The following SLCO5A1 variants were observed in gnomAD, a reference collection of about 807,000 sequenced individuals.
SLCO5A1 encodes the protein solute carrier organic anion transporter family member 5A1, also known as organic anion transporter polypeptide-related protein 4.
Under a neutral mutation model 65.1 loss-of-function variants are expected in SLCO5A1, and 39 were observed. The ratio of observed to expected loss-of-function variants is 0.60; its 90% confidence interval spans 0.46 to 0.78. SLCO5A1 has a LOEUF of 0.78. Ranked by LOEUF, SLCO5A1 falls within the 30% of genes least tolerant of loss-of-function variation. The probability of loss-of-function intolerance (pLI) is 0.00; values close to 1 mark genes in which losing one functional copy is unlikely to be tolerated. For synonymous variants in SLCO5A1, 438 were observed against 415.7 expected (o/e 1.05, Z -0.65); for missense variants, 1,029 against 1,069.4 (o/e 0.96, Z 0.53).
intron 2 of SLCO5A1, among the ~76,000 whole-genome samples, chr8:69,784,878 A>AG (rs1563722902): frequency 6.8e-5 from 10 of 146,032 alleles, no homozygotes; most frequent in African/African-American, 2.0e-4. Context: ...GGAAGGAGAA[A>AG]GAAAGAAAGA....
intron 4 of SLCO5A1, among the ~76,000 whole-genome samples, chr8:69,748,291 A>G (rs1817130070): frequency 6.6e-6 from 1 of 152,130 alleles, no homozygotes; most frequent in Non-Finnish European, 1.5e-5. Context: ...TTAAATCAGC[A>G]CTCATGAGTA....
At chr8:69,783,585 T>G (rs1818894428) in intron 2 of SLCO5A1, among the ~76,000 whole-genome samples, 1 of 152,066 alleles carries the variant, frequency 6.6e-6, no homozygotes, top group Non-Finnish European at 1.5e-5. Flanking sequence ...GTCAATTTTA[T>G]GGTTAAGTGT....
At chr8:69,694,373 A>G (rs528479826) in intron 6 of SLCO5A1, among the ~76,000 whole-genome samples, 1 of 152,326 alleles carries the variant, frequency 6.6e-6, no homozygotes, top group South Asian at 2.1e-4. Context: ...GTAAGTGCCA[A>G]TCACACTGAA....
At chr8:69,784,895 G>GGAAGGAAGGAGA (rs1818971180) in intron 2 of SLCO5A1, among the ~76,000 whole-genome samples, 9 of 84,988 alleles carry the variant, frequency 1.1e-4, no homozygotes, top group African/African-American at 1.6e-4. Flanking sequence ...AAGAAGAAAG[G>GGAAGGAAGGAGA]AAGAAAGAAA....
chr8:69,784,646 G>A (rs1321017881), intron 2 of SLCO5A1, among the ~76,000 whole-genome samples: 1 of 151,706 alleles, frequency 6.6e-6, no homozygotes, highest in African/African-American at 2.4e-5. Context: ...AAATTAGACA[G>A]GCATGGTGGT....
At chr8:69,831,672 T>C (rs1166935234) in intron 2 of SLCO5A1, 95 bp downstream of exon 2, 1 of 1,325,704 alleles carries the variant, frequency 7.5e-7, no homozygotes, top group African/African-American at 1.5e-5. Flanking sequence ...ATAATATACA[T>C]GAAAATGTGA....
chr8:69,829,468 C>T (rs1049275618), intron 2 of SLCO5A1, among the ~76,000 whole-genome samples: 4 of 152,132 alleles, frequency 2.6e-5, no homozygotes, highest in Non-Finnish European at 4.4e-5. Context: ...TTGATTAGTT[C>T]CTCATTTAAA....
intron 5 of SLCO5A1, among the ~76,000 whole-genome samples, chr8:69,716,783 T>C (rs111348949): frequency 0.016 from 398 of 25,058 alleles, 3 homozygotes; most frequent in African/African-American, 0.066. Context: ...GTGTTTTTCC[T>C]TTTTTTTTTT....
At position 69,678,862 on chromosome 8, in the gene SLCO5A1, A is replaced by C. The variant is rs377036898; in HGVS notation, c.2024+516T>G. On this transcript the variant is annotated intron_variant, in intron 8 of 9. Transcript: ENST00000260126. ...TGCCCTTTTCTTGACTCAACTCTGA[A>C]ATTTTATATGATAGTAAAATTAATG... 5.5e-4 allele frequency among the ~76,000 whole-genome samples: 83 copies of C among 152,160 alleles called. No individual in the cohort carries two copies. In the East Asian group the frequency reaches 9.6e-3, roughly 18 times the overall value.
At chr8:69,808,422 G>T (rs1820096852) in intron 2 of SLCO5A1, among the ~76,000 whole-genome samples, 1 of 152,084 alleles carries the variant, frequency 6.6e-6, no homozygotes, top group East Asian at 1.9e-4. Context: ...TGTGCTAATT[G>T]GTTTTCTAAT....
At chr8:69,706,578 A>G (rs1814978382) in intron 5 of SLCO5A1, among the ~76,000 whole-genome samples, 1 of 152,182 alleles carries the variant, frequency 6.6e-6, no homozygotes, top group African/African-American at 2.4e-5. Context: ...TCACCTTTCC[A>G]TGTGAAGTTA....
rs983049113 is a variant in SLCO5A1 at position 69,667,378 on chromosome 8, C to G, written c.*5491G>C. ...ATTACATTTCCTTAAACAAAAGAGT[C>G]AGAGCCTGACTTGCCTGTTTCAGGA... is the stretch of plus-strand genomic sequence containing the variant. On this transcript the variant is annotated 3_prime_UTR_variant, in exon 10 of 10. Transcript: ENST00000260126. 1.3e-5 allele frequency: 2 copies of G among 152,118 alleles called. No individual in the cohort carries two copies. Among genetic ancestry groups the G allele is most frequent in the African/African-American group, 4.8e-5 (2 of 41,430 alleles). 9.4% of individuals were successfully genotyped at this position (152,118 alleles called of 1,614,324 possible). A position where few individuals can be genotyped will look rare whatever the true frequency, so the allele number is the denominator to read the frequency against.
intron 6 of SLCO5A1, among the ~76,000 whole-genome samples, chr8:69,704,256 G>A (rs1446315964): frequency 6.6e-6 from 1 of 152,176 alleles, no homozygotes; most frequent in Non-Finnish European, 1.5e-5. Context: ...TTGGTTACAT[G>A]TGATCAGTAC....
chr8:69,724,466 G>GA, intron 5 of SLCO5A1, among the ~76,000 whole-genome samples: 2 of 152,212 alleles, frequency 1.3e-5, no homozygotes, highest in South Asian at 4.1e-4. Context: ...ACGATGACTT[G>GA]AAAAAATTAA....
chr8:69,780,191 A>C (rs1464258467), intron 2 of SLCO5A1, among the ~76,000 whole-genome samples: 2 of 152,234 alleles, frequency 1.3e-5, no homozygotes, highest in African/African-American at 2.4e-5. Context: ...GAACTCTTAT[A>C]CACTGTTGAT....
At chr8:69,687,843 C>CAT (rs1814068103) in intron 6 of SLCO5A1, among the ~76,000 whole-genome samples, 1 of 151,144 alleles carries the variant, frequency 6.6e-6, no homozygotes, top group African/African-American at 2.4e-5. Flanking sequence ...CATATTTTAA[C>CAT]ATATATATAA....
At chr8:69,708,496 A>G (rs548983005) in intron 5 of SLCO5A1, among the ~76,000 whole-genome samples, 6 of 152,094 alleles carry the variant, frequency 3.9e-5, no homozygotes, top group Non-Finnish European at 7.4e-5. Flanking sequence ...AGGAGGCAGA[A>G]GTTGCAGTGA....
rs762870502 is a variant in SLCO5A1 at position 69,832,012 on chromosome 8, G to A, written c.662C>T (p.Pro221Leu). The change falls in exon 2 of 10, where the codon CCC becomes CTC. Residue 221 changes from proline (P) to leucine (L), a missense_variant. By Grantham distance (98) the Pro-to-Leu change is moderately conservative. This residue lies in a region of SLCO5A1 where 647 missense variants were observed against 647.5 expected (regional missense o/e 1.00). Transcript: ENST00000260126. This position sits in a 1 kb window ranked among gnomAD's most constrained non-coding sequence, Gnocchi z 4.5. ...GGCGTTCAACTCTTGGATCTGGTAGGGGGGCGAGATGAAGTGAGGTAAGGC... is the reference window on the plus strand; with the variant it reads ...GGCGTTCAACTCTTGGATCTGGTAGAGGGGCGAGATGAAGTGAGGTAAGGC... ...LFALPHFISPPYQIQELNASA... is the reference protein window; with the variant it reads ...LFALPHFISPLYQIQELNASA... The A allele has an allele frequency of 2.5e-6, 4 of 1,601,898 alleles. No individual in the cohort carries two copies. Among genetic ancestry groups the A allele is most frequent in the Non-Finnish European group, 3.4e-6 (4 of 1,174,328 alleles).
At chr8:69,730,320 G>A (rs1816275344) in intron 5 of SLCO5A1, among the ~76,000 whole-genome samples, 1 of 152,218 alleles carries the variant, frequency 6.6e-6, no homozygotes, top group Non-Finnish European at 1.5e-5. Context: ...GAATTGGTTA[G>A]TAACTAGTCC....
Sources: gnomAD v4.1 joint callset for allele counts (sites outside exome capture counted in the v4.1 genomes callset) on GRCh38, gnomAD v4.1.1 for gene constraint, gnomAD v4.1.1 regional missense constraint, Gnocchi (gnomAD v3.1) non-coding constraint, MANE v1.5 for transcripts, NCBI Gene and HGNC (gene_info 2026-07-23, HGNC 2026-07-21) for gene names.